TECRL: variants seen among roughly 807,000 people sequenced by gnomAD.
TECRL encodes trans-2,3-enoyl-CoA reductase like, also known as trans-2,3-enoyl-CoA reductase-like.
Under a neutral mutation model 52.8 loss-of-function variants are expected in TECRL, and 63 were observed. That is an observed-to-expected ratio of 1.19 (90% CI 0.97 to 1.47). The LOEUF (loss-of-function observed/expected upper bound fraction) is 1.47, where lower values mean the gene tolerates loss of function less well. Ranked by LOEUF, TECRL falls within the 40% of genes most tolerant of loss-of-function variation. The pLI, the probability that TECRL is intolerant of heterozygous loss-of-function variation, is 0.00. For synonymous variants in TECRL, 164 were observed against 141.9 expected (o/e 1.16, Z -1.10); for missense variants, 482 against 429.6 (o/e 1.12, Z -1.08).
chr4:64,323,357 A>T (rs930203367), intron 3 of TECRL, among the ~76,000 whole-genome samples: 25 of 152,116 alleles, frequency 1.6e-4, no homozygotes, highest in African/African-American at 5.5e-4. Flanking sequence ...TGATCGCTTC[A>T]CTGTACTCCA....
intron 1 of TECRL, among the ~76,000 whole-genome samples, chr4:64,379,080 A>G (rs1380212371): frequency 6.6e-6 from 1 of 152,180 alleles, no homozygotes; most frequent in Non-Finnish European, 1.5e-5. Flanking sequence ...TGTAAAAATT[A>G]ACATATAAAT....
intron 8 of TECRL, among the ~76,000 whole-genome samples, chr4:64,294,816 A>G (rs192089598): frequency 6.6e-5 from 10 of 152,156 alleles, no homozygotes; most frequent in Admixed American, 3.3e-4. Context: ...ACCTGAATCA[A>G]TATTTCAAAA....
At chr4:64,347,980 T>C (rs1055826001) in intron 2 of TECRL, among the ~76,000 whole-genome samples, 3 of 152,226 alleles carry the variant, frequency 2.0e-5, no homozygotes, top group Non-Finnish European at 1.5e-5. Flanking sequence ...TGTCTTCTTC[T>C]GAGCCTCTAG....
chr4:64,399,668 G>A (rs1009077772), intron 1 of TECRL, among the ~76,000 whole-genome samples: 4 of 152,196 alleles, frequency 2.6e-5, no homozygotes, highest in Non-Finnish European at 4.4e-5. Context: ...CAACCCTGGT[G>A]CAAAGGGACT....
At chr4:64,328,950 A>G (rs1318976756) in intron 2 of TECRL, among the ~76,000 whole-genome samples, 1 of 151,966 alleles carries the variant, frequency 6.6e-6, no homozygotes, top group African/African-American at 2.4e-5. Context: ...AATTCATCTA[A>G]TATTTGCACC....
intron 6 of TECRL, among the ~76,000 whole-genome samples, 159 bp downstream of exon 6, chr4:64,309,667 C>T (rs1176265169): frequency 3.3e-5 from 5 of 152,100 alleles, no homozygotes; most frequent in East Asian, 1.9e-4. Flanking sequence ...AAATATATCA[C>T]GCAAAAAGAA....
At position 64,289,912 on chromosome 4, in the gene TECRL, A is replaced by T. The variant is rs150520273; in HGVS notation, c.775-145T>A. On this transcript the variant is annotated intron_variant, in intron 8 of 11. Coordinates refer to ENST00000381210, the MANE Select transcript of TECRL (RefSeq NM_001010874.5). The stretch of plus-strand genomic sequence containing the variant: ...TATTTTATTCTAATCATAAAGAGAA[A>T]TTTTTTTTAATTATAACAATGAAAG... 657 of 479,390 alleles carry T rather than the reference A, an allele frequency of 1.4e-3. 8 individuals are homozygous for T. In the East Asian group the frequency reaches 0.021, roughly 15 times the overall value. 29.7% of individuals were successfully genotyped at this position (479,390 alleles called of 1,614,324 possible).
chr4:64,305,266 G>A (rs1724262849), intron 6 of TECRL, 28 bp from the exon 7 acceptor site: 5 of 1,595,222 alleles, frequency 3.1e-6, no homozygotes, highest in Non-Finnish European at 4.3e-6. Context: ...CAAAATAAAA[G>A]TTAGGAAAAA....
rs1484106689 is a variant in TECRL, at chr4:64,322,775, C to A, written c.349G>T (p.Asp117Tyr). ...QLECGGPFLK[D>Y]YITIQSIAAS... ...GCAATACTTTGAATGGTAATGTAGT[C>A]CTTCAAAAAAGGCCCGCCTAAAATA... The change falls in exon 4 of 12, where the codon GAC (aspartate) becomes TAC (tyrosine). Residue 117 changes from aspartate (D) to tyrosine (Y), a missense_variant. Coordinates refer to ENST00000381210, the MANE Select transcript of TECRL (RefSeq NM_001010874.5). 1 of 1,604,380 alleles carries A rather than the reference C, an allele frequency of 6.2e-7. No individual in the cohort carries two copies. Among genetic ancestry groups the A allele is most frequent in the African/African-American group, 1.3e-5 (1 of 74,706 alleles).
chr4:64,313,567 C>T (rs551367211), intron 5 of TECRL, among the ~76,000 whole-genome samples: 2 of 149,062 alleles, frequency 1.3e-5, no homozygotes, highest in Admixed American at 6.7e-5. Flanking sequence ...CTGCAAGCTC[C>T]ACCTCCCGGG....
chr4:64,326,619 T>A (rs1273842518), intron 3 of TECRL, among the ~76,000 whole-genome samples: 1 of 152,094 alleles, frequency 6.6e-6, no homozygotes, highest in Non-Finnish European at 1.5e-5. Flanking sequence ...GAGACCACAT[T>A]GAACAAAGGG....
At chr4:64,349,621 G>T (rs1720238395) in intron 2 of TECRL, among the ~76,000 whole-genome samples, 1 of 152,124 alleles carries the variant, frequency 6.6e-6, no homozygotes, top group South Asian at 2.1e-4. Context: ...ATGACTCAGG[G>T]CATAGTTTTA....
intron 2 of TECRL, among the ~76,000 whole-genome samples, chr4:64,349,397 C>G (rs567925641): frequency 6.6e-6 from 1 of 152,198 alleles, no homozygotes; most frequent in South Asian, 2.1e-4. Context: ...TCCCAAAGTG[C>G]TAGGATTATA....
At chr4:64,405,952 G>A (rs572717123) in intron 1 of TECRL, among the ~76,000 whole-genome samples, 7 of 152,166 alleles carry the variant, frequency 4.6e-5, no homozygotes, top group East Asian at 1.9e-4. Flanking sequence ...AGTATTTGCC[G>A]TGCCTCACTG....
At chr4:64,362,955 T>C (rs1279925324) in intron 2 of TECRL, among the ~76,000 whole-genome samples, 1 of 150,740 alleles carries the variant, frequency 6.6e-6, no homozygotes, top group Non-Finnish European at 1.5e-5. Context: ...ACCCATCTCA[T>C]ATAAAAAGAT....
At chr4:64,314,493 A>G (rs1176042906) in intron 5 of TECRL, among the ~76,000 whole-genome samples, 155 bp downstream of exon 5, 2 of 152,186 alleles carry the variant, frequency 1.3e-5, no homozygotes, top group Non-Finnish European at 2.9e-5. Context: ...TATCTAAAAT[A>G]CATTTCCATA....
intron 11 of TECRL, 140 bp from the exon 12 acceptor site, chr4:64,280,339 C>A (rs1218215087): frequency 1.4e-5 from 9 of 661,702 alleles, no homozygotes; most frequent in Non-Finnish European, 2.0e-5. Context: ...ATTATTCATA[C>A]CCATTCCCAA....
chr4:64,351,296 T>A (rs1487647225), intron 2 of TECRL, among the ~76,000 whole-genome samples: 2 of 150,578 alleles, frequency 1.3e-5, no homozygotes, highest in Non-Finnish European at 3.0e-5. Flanking sequence ...AAAGGGAACT[T>A]TTTTTTTGGC....
rs539450581 is a variant in TECRL at position 64,383,054 on chromosome 4, C to T, written c.235-7831G>A. On this transcript the variant is annotated intron_variant, in intron 1 of 11. Coordinates refer to ENST00000381210, the MANE Select transcript of TECRL (RefSeq NM_001010874.5). ...TGATTTTTGGAGGATGACTTTGCTACATATGGTATTCTTGATTGTCAGTAC... is the reference window on the plus strand; with the variant it reads ...TGATTTTTGGAGGATGACTTTGCTATATATGGTATTCTTGATTGTCAGTAC... Among the ~76,000 whole-genome samples, 20 of 152,238 alleles carry T rather than the reference C, an allele frequency of 1.3e-4. No individual in the cohort carries two copies. The East Asian group carries it at 3.9e-3, about 29-fold the overall frequency.
Sources: gnomAD v4.1 joint callset for allele counts (sites outside exome capture counted in the v4.1 genomes callset) on GRCh38, gnomAD v4.1.1 for gene constraint, MANE v1.5 for transcripts, NCBI Gene and HGNC (gene_info 2026-07-23, HGNC 2026-07-21) for gene names.